Variants in SCN9A observed in about 807,000 individuals in gnomAD.
SCN9A encodes sodium voltage-gated channel alpha subunit 9.
SCN9A carries 131 observed loss-of-function variants against 187.0 expected under a neutral mutation model. That is an observed-to-expected ratio of 0.70 (90% confidence interval 0.61 to 0.81). The LOEUF (loss-of-function observed/expected upper bound fraction) is 0.81. SCN9A is among the 30% of genes least tolerant of loss of function. SCN9A has a pLI of 0.00. For synonymous variants in SCN9A, 809 were observed against 808.6 expected (o/e 1.00, Z -0.01); for missense variants, 2,252 against 2,396.6 (o/e 0.94, Z 1.26).
chr2:166,233,275 C>T, intron 21 of SCN9A, 65 bp downstream of exon 21: 1 of 1,164,262 alleles, frequency 8.6e-7, no homozygotes, highest in Non-Finnish European at 1.2e-6. Flanking sequence ...TCTACATACC[C>T]ATTGTTTTTA....
At chr2:166,239,179 C>T (rs926761924) in intron 19 of SCN9A, among the ~76,000 whole-genome samples, 4 of 148,226 alleles carry the variant, frequency 2.7e-5, no homozygotes, top group South Asian at 2.1e-4. Context: ...GCCAAGATCA[C>T]GCCACTGCAC....
At chr2:166,291,602 A>T (rs1432943753) in intron 9 of SCN9A, among the ~76,000 whole-genome samples, 2 of 152,130 alleles carry the variant, frequency 1.3e-5, no homozygotes, top group Non-Finnish European at 2.9e-5. Flanking sequence ...AGGAAAGAGC[A>T]CATATAGCAA....
chr2:166,348,410 G>C (rs954028563), intron 1 of SCN9A, among the ~76,000 whole-genome samples: 1 of 152,144 alleles, frequency 6.6e-6, no homozygotes. Flanking sequence ...TGGGAACTCA[G>C]AATAGAGTAA....
chr2:166,373,192 AG>A (rs1487165237), intron 1 of SCN9A, among the ~76,000 whole-genome samples: 1 of 152,066 alleles, frequency 6.6e-6, no homozygotes, highest in Non-Finnish European at 1.5e-5. Context: ...GGTTCTGGTG[AG>A]GTTGGAGAGA....
chr2:166,246,729 T>C (rs1695807366), intron 18 of SCN9A, among the ~76,000 whole-genome samples: 1 of 152,098 alleles, frequency 6.6e-6, no homozygotes, highest in African/African-American at 2.4e-5. Context: ...GGATTTACTT[T>C]TGTCAATCTT....
intron 24 of SCN9A, among the ~76,000 whole-genome samples, chr2:166,207,697 T>G (rs145987430): frequency 0.011 from 1,734 of 152,326 alleles, 13 homozygotes; most frequent in Admixed American, 0.018. Flanking sequence ...AGCCTTGGCC[T>G]CCCAAAGTGC....
intron 1 of SCN9A, among the ~76,000 whole-genome samples, chr2:166,372,081 AGT>A (rs138962140): frequency 0.014 from 2,084 of 150,360 alleles, 13 homozygotes; most frequent in African/African-American, 0.019. Flanking sequence ...CACCATACAA[AGT>A]GTGTGTGTGT....
intron 2 of SCN9A, among the ~76,000 whole-genome samples, chr2:166,309,579 C>T (rs1172488327): frequency 6.6e-6 from 1 of 151,950 alleles, no homozygotes; most frequent in East Asian, 1.9e-4. Context: ...AACTACAAAC[C>T]ACTGCTCAAG....
intron 1 of SCN9A, among the ~76,000 whole-genome samples, chr2:166,335,105 T>C (rs1195137136): frequency 6.6e-6 from 1 of 152,126 alleles, no homozygotes; most frequent in African/African-American, 2.4e-5. Context: ...GTTCATAAAA[T>C]TTATCACAAA....
At chr2:166,258,716 A>G (rs1180778578) in intron 17 of SCN9A, among the ~76,000 whole-genome samples, 1 of 151,682 alleles carries the variant, frequency 6.6e-6, no homozygotes, top group African/African-American at 2.4e-5. Flanking sequence ...GAATTATTAA[A>G]TACAAAGCTA....
At chr2:166,359,997 G>A (rs1371738743) in intron 1 of SCN9A, among the ~76,000 whole-genome samples, 4 of 151,640 alleles carry the variant, frequency 2.6e-5, no homozygotes, top group South Asian at 2.1e-4. Flanking sequence ...CGAGGCAGGC[G>A]GATCACCTGA....
At chr2:166,205,856 T>G (rs192681036) in intron 24 of SCN9A, among the ~76,000 whole-genome samples, 1 of 152,126 alleles carries the variant, frequency 6.6e-6, no homozygotes, top group African/African-American at 2.4e-5. Context: ...GGGCAAAGGA[T>G]ATGAACAGGT....
chr2:166,299,166 C>G (rs1380309629), intron 7 of SCN9A, among the ~76,000 whole-genome samples: 1 of 151,438 alleles, frequency 6.6e-6, no homozygotes, highest in Non-Finnish European at 1.5e-5. Flanking sequence ...TATAACTACT[C>G]ATTCATTATC....
At chr2:166,246,302 C>A (rs1228270827) in intron 18 of SCN9A, among the ~76,000 whole-genome samples, 1 of 151,448 alleles carries the variant, frequency 6.6e-6, no homozygotes, top group African/African-American at 2.4e-5. Context: ...CTATACTTTA[C>A]ATAAACATTG....
chr2:166,348,502 A>T (rs1332785249), intron 1 of SCN9A, among the ~76,000 whole-genome samples: 1 of 152,112 alleles, frequency 6.6e-6, no homozygotes, highest in Non-Finnish European at 1.5e-5. Context: ...TTTATCTTTT[A>T]TCTGTACTAT....
intron 1 of SCN9A, among the ~76,000 whole-genome samples, chr2:166,370,594 A>G (rs1700538301): frequency 6.6e-6 from 1 of 152,026 alleles, no homozygotes; most frequent in South Asian, 2.1e-4. Context: ...CAGATAATAC[A>G]GGGAGTCTAG....
At chr2:166,365,090 A>C (rs1057331255) in intron 1 of SCN9A, among the ~76,000 whole-genome samples, 2 of 152,168 alleles carry the variant, frequency 1.3e-5, no homozygotes, top group Non-Finnish European at 2.9e-5. Context: ...TACTCCCACC[A>C]TTAAGTTTCC....
intron 7 of SCN9A, among the ~76,000 whole-genome samples, chr2:166,295,682 T>TAA (rs1698268096): frequency 6.6e-6 from 1 of 152,222 alleles, no homozygotes; most frequent in South Asian, 2.1e-4. Context: ...GCAGACTCAG[T>TAA]AAGGCAGTAA....
At chr2:166,239,437 C>T (rs759795856) in intron 19 of SCN9A, among the ~76,000 whole-genome samples, 3 of 152,126 alleles carry the variant, frequency 2.0e-5, no homozygotes, top group Non-Finnish European at 4.4e-5. Flanking sequence ...TCTTATTCTA[C>T]GTTCTGCTTT....
Sources: gnomAD v4.1 joint callset for allele counts (sites outside exome capture counted in the v4.1 genomes callset) on GRCh38, gnomAD v4.1.1 for gene constraint, MANE v1.5 for transcripts, NCBI Gene and HGNC (gene_info 2026-07-23, HGNC 2026-07-21) for gene names.